Variants in SENP7 observed in about 807,000 individuals in gnomAD.
The protein encoded by SENP7 is sentrin-specific protease 7.
In SENP7, 64 loss-of-function variants were observed where a neutral mutation model predicts 141.2. The observed-to-expected ratio is 0.45, with a 90% CI of 0.37 to 0.56. The LOEUF is 0.56. SENP7 is among the 20% of genes least tolerant of loss of function. The probability of loss-of-function intolerance (pLI) is 0.00; values close to 1 mark genes in which losing one functional copy is unlikely to be tolerated. For missense variants in SENP7, 1,025 were observed against 1,212.2 expected (o/e 0.85, Z 2.29); for synonymous variants, 382 against 426.4 (o/e 0.90, Z 1.28).
intron 6 of SENP7, among the ~76,000 whole-genome samples, chr3:101,378,439 C>T (rs2060399659): frequency 6.6e-6 from 1 of 151,398 alleles, no homozygotes; most frequent in African/African-American, 2.4e-5. Context: ...CACTAGTAGA[C>T]AGGATATGGA....
At chr3:101,346,949 G>T (rs1040287882) in intron 13 of SENP7, among the ~76,000 whole-genome samples, 2 of 151,272 alleles carry the variant, frequency 1.3e-5, no homozygotes, top group Non-Finnish European at 1.5e-5. Context: ...TTAAAAAAAG[G>T]AGGAGGAGGG....
At chr3:101,502,647 G>C (rs558020746) in intron 1 of SENP7, among the ~76,000 whole-genome samples, 67 of 148,100 alleles carry the variant, frequency 4.5e-4, no homozygotes, top group Middle Eastern at 3.4e-3. Context: ...AGGCACAGTG[G>C]TTCATGCCTG....
chr3:101,398,743 ACCAGCTAT>A, intron 6 of SENP7, 110 bp downstream of exon 6: 1 of 721,320 alleles, frequency 1.4e-6, no homozygotes, highest in South Asian at 2.8e-5. Flanking sequence ...GAAAAATAAT[ACCAGCTAT>A]CAGAGCACAT....
intron 4 of SENP7, among the ~76,000 whole-genome samples, chr3:101,430,725 GC>G (rs1247529082): frequency 7.9e-5 from 12 of 152,038 alleles, no homozygotes; most frequent in African/African-American, 2.9e-4. Flanking sequence ...CCTTCTTCTA[GC>G]TTTTGAATTT....
chr3:101,334,968 C>T (rs2059146747), intron 17 of SENP7, among the ~76,000 whole-genome samples: 2 of 152,086 alleles, frequency 1.3e-5, no homozygotes, highest in South Asian at 4.1e-4. Context: ...ATTTTGAGTT[C>T]CTAATATGTT....
At chr3:101,444,240 C>G (rs1380548613) in intron 4 of SENP7, among the ~76,000 whole-genome samples, 1 of 144,244 alleles carries the variant, frequency 6.9e-6, no homozygotes, top group East Asian at 2.1e-4. Context: ...AGTCAGGAAA[C>G]AACAGGTGCT....
chr3:101,468,720 G>A (rs1352516232), intron 3 of SENP7, among the ~76,000 whole-genome samples: 1 of 152,078 alleles, frequency 6.6e-6, no homozygotes, highest in East Asian at 1.9e-4. Flanking sequence ...ACTAAACATG[G>A]AAAGAAACAA....
chr3:101,450,675 GAC>G (rs1483794297), intron 4 of SENP7, among the ~76,000 whole-genome samples: 1 of 152,172 alleles, frequency 6.6e-6, no homozygotes, highest in Non-Finnish European at 1.5e-5. Context: ...CGAGGACAAA[GAC>G]ACAACACACC....
At chr3:101,406,595 T>G (rs1290518943) in intron 5 of SENP7, among the ~76,000 whole-genome samples, 1 of 149,814 alleles carries the variant, frequency 6.7e-6, no homozygotes, top group Non-Finnish European at 1.5e-5. Context: ...AAAAAAAGAA[T>G]AATAGGTGTT....
intron 4 of SENP7, among the ~76,000 whole-genome samples, chr3:101,429,342 AT>A (rs1486894470): frequency 6.6e-6 from 1 of 152,120 alleles, no homozygotes; most frequent in East Asian, 1.9e-4. Flanking sequence ...ATGTTTTTCC[AT>A]TTGTTTGTGT....
intron 4 of SENP7, among the ~76,000 whole-genome samples, chr3:101,454,383 G>A (rs530739122): frequency 2.0e-4 from 31 of 151,972 alleles, no homozygotes; most frequent in African/African-American, 6.5e-4. Flanking sequence ...ATGGTGGTGC[G>A]TGCCTGTAGT....
At chr3:101,381,718 CTAA>C (rs1295588183) in intron 6 of SENP7, among the ~76,000 whole-genome samples, 6 of 152,040 alleles carry the variant, frequency 3.9e-5, no homozygotes, top group African/African-American at 1.2e-4. Flanking sequence ...TCAAAACTGA[CTAA>C]TGTTTCTAGC....
chr3:101,431,550 G>T (rs1381280225), intron 4 of SENP7, among the ~76,000 whole-genome samples: 1 of 121,454 alleles, frequency 8.2e-6, no homozygotes, highest in Non-Finnish European at 1.6e-5. Flanking sequence ...TTGCCTGGTA[G>T]ATCTTCCTAC....
At chr3:101,330,591 G>A (rs2059022976) in intron 19 of SENP7, among the ~76,000 whole-genome samples, 1 of 151,978 alleles carries the variant, frequency 6.6e-6, no homozygotes, top group African/African-American at 2.4e-5. Context: ...TCAAATAACA[G>A]GTAAACCCCA....
chr3:101,361,076 G>A (rs1048473849), intron 11 of SENP7, among the ~76,000 whole-genome samples: 49 of 151,872 alleles, frequency 3.2e-4, no homozygotes, highest in African/African-American at 1.1e-3. Flanking sequence ...GTGGTGCCAC[G>A]CACCTGTAGT....
intron 5 of SENP7, among the ~76,000 whole-genome samples, chr3:101,411,623 C>G (rs2061460802): frequency 6.6e-6 from 1 of 152,164 alleles, no homozygotes; most frequent in South Asian, 2.1e-4. Context: ...TTAGCACAGT[C>G]AAGGACATTC....
intron 5 of SENP7, among the ~76,000 whole-genome samples, chr3:101,413,732 A>AG: frequency 6.8e-6 from 1 of 146,134 alleles, no homozygotes; most frequent in Non-Finnish European, 1.5e-5. Flanking sequence ...AAAAAAAAAA[A>AG]GGGAGGGGGG....
intron 5 of SENP7, among the ~76,000 whole-genome samples, chr3:101,400,448 G>T (rs1374879998): frequency 3.3e-5 from 5 of 151,224 alleles, no homozygotes; most frequent in Non-Finnish European, 7.4e-5. Flanking sequence ...AACAGCATGT[G>T]CTCACTTTGT....
rs1177657540 is a variant in SENP7, at chr3:101,417,721, A to G, written c.354T>C (p.Pro118=). The change falls in exon 5 of 24, where the codon CCT becomes CCC. Residue 118 remains proline, a synonymous_variant. Transcript: ENST00000394095. The stretch of plus-strand genomic sequence containing the variant: ...CATCACATAAATTAGCATCGTTTCT[A>G]GGTAGGGTCTTTCTGAATTTTCGTC... ...DLGRKFRKTL[P]RNDANLCDAN... 6.2e-7 allele frequency: 1 copy of G among 1,614,006 alleles called. No individual in the cohort carries two copies.
Sources: gnomAD v4.1 joint callset for allele counts (sites outside exome capture counted in the v4.1 genomes callset) on GRCh38, gnomAD v4.1.1 for gene constraint, MANE v1.5 for transcripts, NCBI Gene and HGNC (gene_info 2026-07-23, HGNC 2026-07-21) for gene names.